DMPK: variants seen among roughly 807,000 people sequenced by gnomAD.
DMPK encodes myotonin-protein kinase.
In DMPK, 32 loss-of-function variants were observed where a neutral mutation model predicts 70.3. That is an observed-to-expected ratio of 0.46 (90% CI 0.34 to 0.61). The LOEUF (loss-of-function observed/expected upper bound fraction) is 0.61. Among genes scored for constraint, DMPK ranks in the 20% least tolerant of loss-of-function variants. The pLI, the probability that DMPK is intolerant of heterozygous loss-of-function variation, is 0.01. For synonymous variants in DMPK, 469 were observed against 390.9 expected (o/e 1.20, Z -2.36); for missense variants, 899 against 886.0 (o/e 1.01, Z -0.19).
chr19:45,774,450 G>C (rs1453822761), intron 9 of DMPK, among the ~76,000 whole-genome samples: 1 of 151,560 alleles, frequency 6.6e-6, no homozygotes, highest in Non-Finnish European at 1.5e-5. Context: ...TTTTAGTAGA[G>C]ACGGGGTTTC....
rs1403969459 is a variant in DMPK at position 45,779,839 on chromosome 19, A to G, written c.191T>C (p.Val64Ala). ...CTCGAAGTCGTCCCTCTGCAGTCGG[A>G]CCTCCTTAAGCCTCACCACGATGGG... is the stretch of plus-strand genomic sequence containing the variant. ...AEPIVVRLKE[V>A]RLQRDDFEIL... The change falls in exon 2 of 15, where the codon GTC becomes GCC. Residue 64 changes from valine (V) to alanine (A), a missense_variant. Physicochemically the swap from Val to Ala is moderately conservative, Grantham distance 64. This residue lies in a region of DMPK where 149 missense variants were observed against 142.5 expected (regional missense o/e 1.05). Coordinates refer to ENST00000291270, the MANE Select transcript of DMPK (RefSeq NM_004409.5). The G allele has an allele frequency of 6.3e-7, 1 of 1,598,236 alleles. No homozygotes were observed. Among genetic ancestry groups the G allele is most frequent in the Non-Finnish European group, 8.5e-7 (1 of 1,171,262 alleles).
intron 9 of DMPK, 112 bp downstream of exon 9, chr19:45,774,837 A>G (rs762427243): frequency 2.5e-6 from 2 of 811,180 alleles, no homozygotes; most frequent in African/African-American, 3.4e-5. Flanking sequence ...TTTGGGCCCA[A>G]AACAGTAAGG....
Position 45,775,037 on chromosome 19 carries a change from G to A in DMPK, c.1147-3C>T, listed in dbSNP as rs749342663. On this transcript the variant is annotated splice_polypyrimidine_tract_variant and splice_region_variant and intron_variant, in intron 8 of 14. Coordinates refer to ENST00000291270, the MANE Select transcript of DMPK (RefSeq NM_004409.5). ...TCCCGAATGTCCGACAGTGTCTCCTGCGCAAGACACACAGATGTGAGCAGC... is the reference window on the plus strand; with the variant it reads ...TCCCGAATGTCCGACAGTGTCTCCTACGCAAGACACACAGATGTGAGCAGC... The A allele has an allele frequency of 1.8e-5, 29 of 1,612,872 alleles. No homozygotes were observed. Among genetic ancestry groups the A allele is most frequent in the Non-Finnish European group, 2.5e-5 (29 of 1,179,500 alleles).
chr19:45,772,442 A>C (rs1969518377), intron 10 of DMPK, 199 bp downstream of exon 10: 12 of 466,886 alleles, frequency 2.6e-5, no homozygotes. Context: ...GATCCCCAGC[A>C]ACACACACAC....
chr19:45,774,835 C>A, intron 9 of DMPK, 114 bp downstream of exon 9: 1 of 790,338 alleles, frequency 1.3e-6, no homozygotes, highest in Non-Finnish European at 2.1e-6. Flanking sequence ...TCTTTGGGCC[C>A]AAAACAGTAA....
chr19:45,780,639 G>C (rs199660819), intron 1 of DMPK: 3 of 1,002,874 alleles, frequency 3.0e-6, no homozygotes, highest in Middle Eastern at 4.4e-4. Flanking sequence ...CTGGACTCCC[G>C]GGGGTGGAAG....
chr19:45,771,881 G>C lies in DMPK; in HGVS notation c.1392C>G (p.Ala464=). 1.3e-6 allele frequency: 2 copies of C among 1,593,752 alleles called. No homozygotes were observed. The highest frequency in any genetic ancestry group is 1.1e-5 in the South Asian group (1 of 88,050). The change falls in exon 11 of 15, where the codon GCC becomes GCG. Residue 464 remains alanine (A), a synonymous_variant. Coordinates refer to ENST00000291270, the MANE Select transcript of DMPK (RefSeq NM_004409.5). ...CCTGGAGCTCCCGCAGCGTCACCTC[G>C]GCCTCAGCCTCTGCCGCAGGGACAG... ...PAAVPAAEAE[A]EVTLRELQEA...
At chr19:45,772,850 A>C (rs768671280) in intron 9 of DMPK, 98 bp from the exon 10 acceptor site, 29 of 599,778 alleles carry the variant, frequency 4.8e-5, no homozygotes, top group Non-Finnish European at 7.0e-5. Context: ...GCTGCTTCCA[A>C]GACCTCCTGA....
rs1264885111 is a variant in DMPK at position 45,774,975 on chromosome 19, G to A, written c.1206C>T (p.Gly402=). 6.2e-7 allele frequency: 1 copy of A among 1,613,974 alleles called. No homozygotes were observed. Among genetic ancestry groups the A allele is most frequent in the African/African-American group, 1.3e-5 (1 of 75,014 alleles). The change falls in exon 9 of 15, where the codon GGC becomes GGT. Residue 402 remains glycine, a synonymous_variant. Coordinates refer to ENST00000291270, the MANE Select transcript of DMPK (RefSeq NM_004409.5). ...APLGVHLPFV[G]YSYSCMALRD... ...TGAGGGCCATGCAGGAGTAGGAGTA[G>A]CCCACAAAAGGCAGGTGGACCCCTA...
chr19:45,778,674 T>C, intron 4 of DMPK, 33 bp from the exon 5 acceptor site: 1 of 1,606,138 alleles, frequency 6.2e-7, no homozygotes, highest in Non-Finnish European at 8.5e-7. Context: ...TGGTTGGTAG[T>C]CCCCTGAGGC....
In DMPK at chr19:45,779,503, T is replaced by C. The variant is rs531034368; in HGVS notation, c.272A>G (p.Lys91Arg). The C allele has an allele frequency of 5.0e-6, 8 of 1,613,902 alleles. No homozygotes were observed. The African/African-American group carries it at 1.1e-4, about 22-fold the overall frequency. Residue 91 changes from lysine (K) to arginine (R), a missense_variant, in exon 3 of 15, where the codon AAG (lysine) becomes AGG (arginine). Physicochemically the swap from Lys to Arg is conservative, Grantham distance 26. Around this residue, in one of 3 missense-constraint regions of DMPK, gnomAD observed 149 missense variants for 142.5 expected, o/e 1.05. Transcript: ENST00000291270. ...AFSEVAVVKMKQTGQVYAMKI... is the reference protein window; with the variant it reads ...AFSEVAVVKMRQTGQVYAMKI... Reference sequence around the variant, plus strand: ...CATGGCATACACCTGGCCCGTCTGCTTCATCTTCACTACCGCTACCTGAGG... The same window carrying C: ...CATGGCATACACCTGGCCCGTCTGCCTCATCTTCACTACCGCTACCTGAGG...
At chr19:45,780,573 TG>T in intron 1 of DMPK, 2 of 1,026,140 alleles carry the variant, frequency 1.9e-6, no homozygotes, top group Non-Finnish European at 2.3e-6. Flanking sequence ...GCAGCCTGGG[TG>T]GGGGACCAGC....
rs1168773679 is a variant in DMPK at position 45,771,918 on chromosome 19, G to A, written c.1355C>T (p.Ala452Val). Residue 452 changes from alanine (A) to valine (V), a missense_variant, in exon 11 of 15, where the codon GCA (alanine) becomes GTA (valine). Ala to Val is a moderately conservative substitution (Grantham distance 64). Around this residue, in one of 3 missense-constraint regions of DMPK, gnomAD observed 555 missense variants for 483.8 expected, o/e 1.15. Transcript: ENST00000291270. ...TGCCGCAGGGACAGCCGCTGGAACT[G>A]CCACTTCAGCCTGTGTATGGGGACC... is the stretch of plus-strand genomic sequence containing the variant. The part of the protein sequence containing the change: ...VSPQDETAEV[A>V]VPAAVPAAEA... 7 of 1,594,634 alleles carry A rather than the reference G, an allele frequency of 4.4e-6. No individual in the cohort carries two copies. In the East Asian group the frequency reaches 1.1e-4, roughly 26 times the overall value.
intron 1 of DMPK, chr19:45,780,609 G>A: frequency 3.9e-6 from 4 of 1,017,916 alleles, no homozygotes; most frequent in Non-Finnish European, 4.7e-6. Context: ...GTGGCTCAGG[G>A]ACTGTGGGGA....
At chr19:45,780,523 C>T (rs182144573) in intron 1 of DMPK, 46 of 1,073,198 alleles carry the variant, frequency 4.3e-5, no homozygotes, top group Non-Finnish European at 5.0e-5. Flanking sequence ...AATCAGGCCT[C>T]TCAGAAGTCA....
At position 45,770,721 on chromosome 19, in the gene DMPK, G is replaced by A. The variant is rs558779358; in HGVS notation, c.1738-81C>T. 7 of 1,451,900 alleles carry A rather than the reference G, an allele frequency of 4.8e-6. No homozygotes were observed. The Admixed American group carries it at 9.0e-5, about 19-fold the overall frequency. The allele number at this position is 1,451,900 out of a possible 1,614,324, so 89.9% of individuals were successfully genotyped here. A position where few individuals can be genotyped will look rare whatever the true frequency, so the allele number is the denominator to read the frequency against. ...ACTCGCCCCGCCTACGCCCATAGGT[G>A]GGCCCGCACTCTTCCCTGCGCCCCG... On this transcript the variant is annotated intron_variant, in intron 14 of 14. Coordinates refer to ENST00000291270, the MANE Select transcript of DMPK (RefSeq NM_004409.5).
intron 8 of DMPK, chr19:45,776,601 C>T (rs938262904): frequency 1.3e-5 from 2 of 152,964 alleles, no homozygotes; most frequent in South Asian, 2.0e-4. Context: ...AGTATACAGG[C>T]ATGCGCCACC....
Position 45,770,957 on chromosome 19 carries a change from G to T in DMPK, c.1737+14C>A. 7.1e-7 allele frequency: 1 copy of T among 1,417,718 alleles called. No individual in the cohort carries two copies. 87.8% of individuals were successfully genotyped at this position (1,417,718 alleles called of 1,614,324 possible). On this transcript the variant is annotated intron_variant, in intron 14 of 14. Coordinates refer to ENST00000291270, the MANE Select transcript of DMPK (RefSeq NM_004409.5). The stretch of plus-strand genomic sequence containing the variant: ...GGCGCGACGGCGGAGGGGGGCGTGG[G>T]CAGCCGGACGTACCCTGGCAGGGAG...
chr19:45,781,596 G>C (rs560829987), intron 1 of DMPK, among the ~76,000 whole-genome samples: 20 of 152,314 alleles, frequency 1.3e-4, no homozygotes, highest in African/African-American at 4.8e-4. Flanking sequence ...ACCCAAAGTT[G>C]TCCCTCCTGG....
Sources: gnomAD v4.1 joint callset for allele counts (sites outside exome capture counted in the v4.1 genomes callset) on GRCh38, gnomAD v4.1.1 for gene constraint, gnomAD v4.1.1 regional missense constraint, MANE v1.5 for transcripts, NCBI Gene and HGNC (gene_info 2026-07-23, HGNC 2026-07-21) for gene names.